REV3L: variants seen among roughly 807,000 people sequenced by gnomAD.
REV3L encodes the protein DNA polymerase zeta catalytic subunit.
A neutral mutation model predicts 299.4 loss-of-function variants in REV3L; 69 were observed. The ratio of observed to expected loss-of-function variants is 0.23; its 90% CI spans 0.19 to 0.28. REV3L has a LOEUF of 0.28. Ranked by LOEUF, REV3L falls within the 10% of genes least tolerant of loss-of-function variation. The probability of loss-of-function intolerance (pLI) is 1.00; values close to 1 mark genes in which losing one functional copy is unlikely to be tolerated. For synonymous variants in REV3L, 1,238 were observed against 1,271.4 expected (o/e 0.97, Z 0.56); for missense variants, 3,128 against 3,693.8 (o/e 0.85, Z 3.97).
chr6:111,456,570 T>C (rs1440950372), intron 1 of REV3L, among the ~76,000 whole-genome samples: 1 of 152,170 alleles, frequency 6.6e-6, no homozygotes, highest in African/African-American at 2.4e-5. Context: ...CTTTCCTCTC[T>C]GTAGAGTATA....
At chr6:111,321,503 GAAC>G (rs1228264372) in intron 26 of REV3L, among the ~76,000 whole-genome samples, 4 of 152,098 alleles carry the variant, frequency 2.6e-5, no homozygotes, top group Admixed American at 2.6e-4. Flanking sequence ...TAGTTTCATA[GAAC>G]AATAAAATAA....
intron 1 of REV3L, among the ~76,000 whole-genome samples, chr6:111,427,307 C>T (rs1230043676): frequency 6.6e-6 from 1 of 151,970 alleles, no homozygotes; most frequent in African/African-American, 2.4e-5. Flanking sequence ...AGACAATGCA[C>T]AGAATGAAAA....
At position 111,329,575 on chromosome 6, in the gene REV3L, C is replaced by G; in HGVS notation, c.8198G>C (p.Gly2733Ala). ...CCCAGAAAAATTAGCAGATGTATAG[C>G]CAAATGTGACATTTGCTATCAGCTT... ...GLKLIANVTF[G>A]YTSANFSGRM... The change falls in exon 25 of 32, where the codon GGC becomes GCC. Residue 2733 changes from glycine (G) to alanine (A), a missense_variant. Coordinates refer to ENST00000368802, the MANE Select transcript of REV3L (RefSeq NM_001372078.1). 6.2e-7 allele frequency: 1 copy of G among 1,614,090 alleles called. No homozygotes were observed. Among genetic ancestry groups the G allele is most frequent in the Non-Finnish European group, 8.5e-7 (1 of 1,180,010 alleles).
chr6:111,328,091 T>C (rs1310873893), intron 25 of REV3L, among the ~76,000 whole-genome samples: 6 of 152,244 alleles, frequency 3.9e-5, no homozygotes, highest in Non-Finnish European at 7.3e-5. Flanking sequence ...TGTCACACTA[T>C]ATTGTATTTG....
At chr6:111,423,293 G>C (rs1785783082) in intron 1 of REV3L, among the ~76,000 whole-genome samples, 1 of 152,176 alleles carries the variant, frequency 6.6e-6, no homozygotes, top group Admixed American at 6.5e-5. Context: ...ACTCAGACTT[G>C]TGAGAATCTA....
At chr6:111,371,558 C>CTTTT (rs1032722759) in intron 13 of REV3L, among the ~76,000 whole-genome samples, 1 of 137,620 alleles carries the variant, frequency 7.3e-6, no homozygotes, top group Non-Finnish European at 1.6e-5. Context: ...GCCCAGCTAT[C>CTTTT]TTTTTTTTTT....
chr6:111,370,151 A>G (rs1582722329), intron 13 of REV3L, among the ~76,000 whole-genome samples: 1 of 152,316 alleles, frequency 6.6e-6, no homozygotes, highest in East Asian at 1.9e-4. Flanking sequence ...TATTTCAAAA[A>G]TATTTTTCAA....
At chr6:111,388,184 T>A in intron 7 of REV3L, 99 bp from the exon 8 acceptor site, 1 of 747,298 alleles carries the variant, frequency 1.3e-6, no homozygotes, top group Non-Finnish European at 2.2e-6. Flanking sequence ...CAATTTCCTA[T>A]CTTTCTCTAG....
At chr6:111,472,631 C>G (rs1792377140) in intron 1 of REV3L, among the ~76,000 whole-genome samples, 1 of 151,160 alleles carries the variant, frequency 6.6e-6, no homozygotes, top group Non-Finnish European at 1.5e-5. Context: ...TCATTTTTCT[C>G]AGAATTTACT....
intron 25 of REV3L, among the ~76,000 whole-genome samples, chr6:111,328,495 T>C (rs900156182): frequency 6.6e-6 from 1 of 152,220 alleles, no homozygotes; most frequent in Non-Finnish European, 1.5e-5. Flanking sequence ...TTGTAAAAAC[T>C]GCTACAAAGG....
chr6:111,356,423 T>C (rs1309316024), intron 18 of REV3L, among the ~76,000 whole-genome samples: 2 of 152,118 alleles, frequency 1.3e-5, no homozygotes, highest in African/African-American at 4.8e-5. Flanking sequence ...TTGGACAAGA[T>C]TCTACTATCG....
chr6:111,329,138 G>C (rs113626314), intron 25 of REV3L, among the ~76,000 whole-genome samples: 16,378 of 152,032 alleles, frequency 0.11, 1,168 homozygotes, highest in Middle Eastern at 0.21. Context: ...CTGCCTCCTG[G>C]GTTCAAGCAA....
intron 1 of REV3L, among the ~76,000 whole-genome samples, chr6:111,462,779 A>G (rs970233957): frequency 1.3e-5 from 2 of 152,182 alleles, no homozygotes; most frequent in African/African-American, 4.8e-5. Flanking sequence ...TTTATAATTT[A>G]AAATTCTTAT....
chr6:111,349,941 T>C (rs1016194908), intron 19 of REV3L, among the ~76,000 whole-genome samples: 2 of 152,230 alleles, frequency 1.3e-5, no homozygotes, highest in African/African-American at 2.4e-5. Flanking sequence ...GTTGTGAGTC[T>C]AGTTTCTTAG....
intron 21 of REV3L, among the ~76,000 whole-genome samples, chr6:111,338,583 C>CT (rs1562145267): frequency 6.6e-6 from 1 of 150,702 alleles, no homozygotes; most frequent in African/African-American, 2.4e-5. Context: ...TTGATGTTAG[C>CT]TTTTTACTTT....
chr6:111,466,209 T>A (rs181406690), intron 1 of REV3L, among the ~76,000 whole-genome samples: 24 of 152,346 alleles, frequency 1.6e-4, no homozygotes, highest in African/African-American at 5.3e-4. Flanking sequence ...GAAAAAAACC[T>A]GATTCTTCAC....
chr6:111,372,427 T>C (rs1779891328), intron 13 of REV3L, among the ~76,000 whole-genome samples, 169 bp downstream of exon 13: 1 of 152,224 alleles, frequency 6.6e-6, no homozygotes, highest in Non-Finnish European at 1.5e-5. Flanking sequence ...TTAGTAAGTC[T>C]GTAATTAGAA....
Position 111,299,904 on chromosome 6 carries a change from A to C in REV3L, c.*112T>G. 3 of 1,040,368 alleles carry C rather than the reference A, an allele frequency of 2.9e-6. No homozygotes were observed. Among genetic ancestry groups the C allele is most frequent in the Non-Finnish European group, 4.1e-6 (3 of 725,072 alleles). The allele number at this position is 1,040,368 out of a possible 1,614,324, so 64.4% of individuals were successfully genotyped here. ...GCATAGAAGTCTTCATAGTCTTCAG[A>C]TAACAGACAGTGAACATCCTTGACT... On this transcript the variant is annotated 3_prime_UTR_variant, in exon 32 of 32. Transcript: ENST00000368802.
intron 3 of REV3L, among the ~76,000 whole-genome samples, chr6:111,409,563 CT>C (rs1784030505): frequency 6.6e-6 from 1 of 152,136 alleles, no homozygotes; most frequent in African/African-American, 2.4e-5. Flanking sequence ...TACAAATCCC[CT>C]GAAAGGGTTT....
Sources: gnomAD v4.1 joint callset for allele counts (sites outside exome capture counted in the v4.1 genomes callset) on GRCh38, gnomAD v4.1.1 for gene constraint, MANE v1.5 for transcripts, NCBI Gene and HGNC (gene_info 2026-07-23, HGNC 2026-07-21) for gene names.